NPTN: variants seen among roughly 807,000 people sequenced by gnomAD.
NPTN encodes neuroplastin.
Under a neutral mutation model 42.7 loss-of-function variants are expected in NPTN, and 5 were observed. The observed-to-expected ratio is 0.12, with a 90% CI of 0.06 to 0.25. The LOEUF (loss-of-function observed/expected upper bound fraction) is 0.25. NPTN is among the 10% of genes least tolerant of loss of function. NPTN has a pLI of 1.00. For missense variants in NPTN, 307 were observed against 525.4 expected (o/e 0.58, Z 4.06); for synonymous variants, 180 against 201.9 (o/e 0.89, Z 0.92).
intron 6 of NPTN, chr15:73,567,254 G>A (rs1485722723): frequency 2.0e-6 from 2 of 985,254 alleles, no homozygotes; most frequent in South Asian, 4.7e-5. Context: ...CAGTGAGTCT[G>A]AAATGAGCCA....
chr15:73,561,470 A>T (rs1894660290), intron 8 of NPTN, among the ~76,000 whole-genome samples: 1 of 152,208 alleles, frequency 6.6e-6, no homozygotes, highest in Non-Finnish European at 1.5e-5. Flanking sequence ...ACTTGAGGTC[A>T]GGAGTTCAAG....
At chr15:73,631,641 T>C (rs1284610538) in intron 1 of NPTN, among the ~76,000 whole-genome samples, 1 of 152,194 alleles carries the variant, frequency 6.6e-6, no homozygotes, top group African/African-American at 2.4e-5. Flanking sequence ...CTAATAAGAG[T>C]AATCATAAAT....
chr15:73,633,260 CCGGGGCCGGGGA>C lies in NPTN; in HGVS notation c.-57_-46del, dbSNP rs779849100. 5.1e-6 allele frequency: 5 copies of C among 988,612 alleles called. No individual in the cohort carries two copies. Among genetic ancestry groups the C allele is most frequent in the South Asian group, 1.7e-5 (1 of 60,152 alleles). 61.2% of individuals were successfully genotyped at this position (988,612 alleles called of 1,614,324 possible). On this transcript the variant is annotated 5_prime_UTR_variant, in exon 1 of 9. Coordinates refer to ENST00000345330, the MANE Select transcript of NPTN (RefSeq NM_012428.4). ...AACAGCGAATGGGCCGGGGCCAGAG[CCGGGGCCGGGGA>C]AGGGAGGGGAGGGAGGGAGGGGGCG...
intron 1 of NPTN, among the ~76,000 whole-genome samples, chr15:73,628,812 G>A (rs1898574242): frequency 6.6e-6 from 1 of 151,826 alleles, no homozygotes; most frequent in East Asian, 1.9e-4. Context: ...ATAATATAAT[G>A]TTGCTTTTTA....
chr15:73,603,329 A>G (rs942971688), intron 1 of NPTN, among the ~76,000 whole-genome samples: 1 of 152,260 alleles, frequency 6.6e-6, no homozygotes, highest in African/African-American at 2.4e-5. Flanking sequence ...GCTCCACAAC[A>G]GGCTGGGAAG....
chr15:73,617,215 C>T (rs951001990), intron 1 of NPTN, among the ~76,000 whole-genome samples: 2 of 152,086 alleles, frequency 1.3e-5, no homozygotes, highest in Admixed American at 6.6e-5. Context: ...TGAAAGGATA[C>T]ACAACAAACT....
chr15:73,629,777 T>C (rs1337034852), intron 1 of NPTN, among the ~76,000 whole-genome samples: 2 of 151,962 alleles, frequency 1.3e-5, no homozygotes, highest in Non-Finnish European at 2.9e-5. Flanking sequence ...ATTTCTCTTA[T>C]TCACAACAAT....
At chr15:73,633,079 G>C in intron 1 of NPTN, 46 bp downstream of exon 1, 1 of 1,302,804 alleles carries the variant, frequency 7.7e-7, no homozygotes, top group Non-Finnish European at 1.0e-6. Context: ...CTCCGGCCCC[G>C]GCGCCCCTCA....
chr15:73,581,370 G>C (rs1024077581), intron 4 of NPTN, among the ~76,000 whole-genome samples: 1 of 152,076 alleles, frequency 6.6e-6, no homozygotes, highest in South Asian at 2.1e-4. Context: ...ACCCTCTTAG[G>C]GGGGCACAGA....
chr15:73,596,955 A>T, intron 2 of NPTN, 67 bp downstream of exon 2: 1 of 1,310,832 alleles, frequency 7.6e-7, no homozygotes, highest in Non-Finnish European at 1.1e-6. Context: ...GAAAGGATGC[A>T]GAAGGGAAGG....
At chr15:73,565,826 G>A (rs1369853112) in intron 6 of NPTN, 11 of 455,840 alleles carry the variant, frequency 2.4e-5, no homozygotes, top group Non-Finnish European at 2.6e-5. Context: ...CCAACCGAAT[G>A]GACCACAGCC....
At chr15:73,600,167 G>A (rs1897018502) in intron 1 of NPTN, among the ~76,000 whole-genome samples, 1 of 152,204 alleles carries the variant, frequency 6.6e-6, no homozygotes, top group South Asian at 2.1e-4. Context: ...TTCCTGCTAA[G>A]AGTAAGGAAT....
At chr15:73,607,864 C>T (rs971025684) in intron 1 of NPTN, among the ~76,000 whole-genome samples, 8 of 152,172 alleles carry the variant, frequency 5.3e-5, no homozygotes, top group African/African-American at 1.9e-4. Context: ...CTTACAAGTT[C>T]TCAGGTGATG....
At position 73,569,885 on chromosome 15, in the gene NPTN, G is replaced by A. The variant is rs1895263276; in HGVS notation, c.1114+265C>T. On this transcript the variant is annotated intron_variant, in intron 6 of 8. Coordinates refer to ENST00000345330, the MANE Select transcript of NPTN (RefSeq NM_012428.4). This position sits in a 1 kb window ranked among gnomAD's most constrained non-coding sequence, Gnocchi z 4.1. ...CACATGGGGCCTGAAAGGCAGATGGGACTAGGGTTTGGAAAACACCCAAAC... is the reference window on the plus strand; with the variant it reads ...CACATGGGGCCTGAAAGGCAGATGGAACTAGGGTTTGGAAAACACCCAAAC... The A allele has an allele frequency of 1.1e-5, 10 of 899,506 alleles. No homozygotes were observed. The highest frequency in any genetic ancestry group is 1.3e-5 in the Non-Finnish European group (10 of 752,006). 55.7% of individuals were successfully genotyped at this position (899,506 alleles called of 1,614,324 possible). A position where few individuals can be genotyped will look rare whatever the true frequency, so the allele number is the denominator to read the frequency against.
intron 1 of NPTN, among the ~76,000 whole-genome samples, chr15:73,629,490 AAAG>A (rs1234893231): frequency 1.3e-5 from 2 of 152,148 alleles, no homozygotes; most frequent in African/African-American, 4.8e-5. Context: ...CCTTGACAGA[AAAG>A]AAAAAGATCC....
chr15:73,566,974 C>A, intron 6 of NPTN: 2 of 948,876 alleles, frequency 2.1e-6, no homozygotes, highest in Non-Finnish European at 2.5e-6. Flanking sequence ...TGAGAATACT[C>A]CAGTAGGTAA....
chr15:73,576,517 T>TG (rs1164764013), intron 4 of NPTN, among the ~76,000 whole-genome samples: 1 of 152,058 alleles, frequency 6.6e-6, no homozygotes, highest in East Asian at 1.9e-4. Context: ...TTAGTAGAGA[T>TG]GGGGTTTCAC....
chr15:73,627,893 T>C (rs1402115052), intron 1 of NPTN, among the ~76,000 whole-genome samples: 2 of 152,188 alleles, frequency 1.3e-5, no homozygotes, highest in Admixed American at 6.5e-5. Flanking sequence ...GTAAGAAGTT[T>C]TGTTATGTAT....
intron 1 of NPTN, among the ~76,000 whole-genome samples, chr15:73,611,140 T>C (rs571192099): frequency 6.4e-4 from 97 of 152,318 alleles, no homozygotes; most frequent in African/African-American, 2.2e-3. Flanking sequence ...ATGACACAGT[T>C]TATGAAGATC....
Sources: allele counts gnomAD v4.1 joint callset (sites outside exome capture counted in the v4.1 genomes callset), GRCh38; gene constraint gnomAD v4.1.1; non-coding constraint Gnocchi (gnomAD v3.1); transcripts MANE v1.5; gene names NCBI Gene and HGNC (gene_info 2026-07-23, HGNC 2026-07-21).